The following SLC16A9 variants were observed in gnomAD, a reference collection of about 807,000 sequenced individuals.
SLC16A9 encodes the protein monocarboxylate transporter 9.
In SLC16A9, 26 loss-of-function variants were observed where a neutral mutation model predicts 44.3. That is an observed-to-expected ratio of 0.59 (90% CI 0.43 to 0.81). The LOEUF is 0.81. Among genes scored for constraint, SLC16A9 ranks in the 40% least tolerant of loss-of-function variants. SLC16A9 has a pLI of 0.00. For missense variants in SLC16A9, 559 were observed against 595.8 expected, an observed-to-expected ratio of 0.94 and a Z score of 0.64; for synonymous variants, 230 against 225.1, an observed-to-expected ratio of 1.02 and a Z score of -0.19.
chr10:59,653,425 CAAAA>C (rs562805430), intron 5 of SLC16A9, among the ~76,000 whole-genome samples: 7 of 36,772 alleles, frequency 1.9e-4, no homozygotes, highest in African/African-American at 4.1e-4. Flanking sequence ...AACTCCGTCT[CAAAA>C]AAAAAAAAAA....
intron 1 of SLC16A9, among the ~76,000 whole-genome samples, chr10:59,701,279 G>A (rs1300899484): frequency 6.6e-6 from 1 of 152,124 alleles, no homozygotes. Context: ...CGAATGCCTG[G>A]ACCATCACAA....
chr10:59,697,744 A>G (rs939482241), intron 1 of SLC16A9, among the ~76,000 whole-genome samples: 2 of 148,232 alleles, frequency 1.3e-5, no homozygotes, highest in Non-Finnish European at 3.0e-5. Flanking sequence ...AAAATAAAAT[A>G]AAAAATAAAT....
At chr10:59,671,650 G>A (rs1052212584) in intron 3 of SLC16A9, among the ~76,000 whole-genome samples, 1 of 152,096 alleles carries the variant, frequency 6.6e-6, no homozygotes, top group African/African-American at 2.4e-5. Context: ...TCCCTACAAC[G>A]CCATCATAGT....
chr10:59,672,563 G>T (rs1345427411), intron 3 of SLC16A9, among the ~76,000 whole-genome samples: 1 of 152,226 alleles, frequency 6.6e-6, no homozygotes, highest in Non-Finnish European at 1.5e-5. Flanking sequence ...AGGAGACAGA[G>T]TATGGATTGT....
chr10:59,669,729 C>T (rs992153434), intron 3 of SLC16A9, among the ~76,000 whole-genome samples: 25 of 151,780 alleles, frequency 1.6e-4, no homozygotes, highest in African/African-American at 5.8e-4. Flanking sequence ...CCAGCTTACT[C>T]GGGAGGCTGA....
chr10:59,656,520 C>G (rs1004994265), intron 4 of SLC16A9, among the ~76,000 whole-genome samples: 2 of 152,186 alleles, frequency 1.3e-5, no homozygotes, highest in Non-Finnish European at 2.9e-5. Flanking sequence ...TATCAAATTA[C>G]ACATTGGAGG....
rs187692448 is a variant in SLC16A9 at position 59,655,189 on chromosome 10, C to G, written c.437-600G>C. Among the ~76,000 whole-genome samples, 747 of 152,208 alleles carry G rather than the reference C, an allele frequency of 4.9e-3. 4 individuals carry two copies. Among genetic ancestry groups the G allele is most frequent in the Middle Eastern group, 0.02 (6 of 294 alleles). ...CCTGTAGTCCCAGCTACTTGGGAGG[C>G]TGAGGCAGAAGAGTCGCTTGAACCC... On this transcript the variant is annotated intron_variant, in intron 4 of 5. Transcript: ENST00000395348.
chr10:59,672,509 T>C (rs1839772308), intron 3 of SLC16A9, among the ~76,000 whole-genome samples: 1 of 152,210 alleles, frequency 6.6e-6, no homozygotes, highest in South Asian at 2.1e-4. Context: ...ATATGTGCTA[T>C]AGAGAGACAA....
chr10:59,680,060 T>C (rs1213914960), intron 2 of SLC16A9, among the ~76,000 whole-genome samples: 2 of 152,186 alleles, frequency 1.3e-5, no homozygotes, highest in African/African-American at 4.8e-5. Flanking sequence ...GTTTTCTATA[T>C]TGGCATCCCT....
chr10:59,678,581 G>A (rs1328239435), intron 2 of SLC16A9, among the ~76,000 whole-genome samples: 1 of 82,358 alleles, frequency 1.2e-5, no homozygotes, highest in African/African-American at 4.3e-5. Context: ...CTGTCGCCCA[G>A]GCCGGACTGC....
At chr10:59,703,700 G>A (rs1394093916) in intron 1 of SLC16A9, among the ~76,000 whole-genome samples, 1 of 151,806 alleles carries the variant, frequency 6.6e-6, no homozygotes, top group Non-Finnish European at 1.5e-5. Flanking sequence ...TAGTAAATTT[G>A]AATGAATTGC....
At position 59,672,723 on chromosome 10, in the gene SLC16A9, G is replaced by A. The variant is rs749175394; in HGVS notation, c.340+47C>T. 2.6e-6 allele frequency: 4 copies of A among 1,552,846 alleles called. No homozygotes were observed. The African/African-American group carries it at 5.5e-5, about 21-fold the overall frequency. ...ATAAACCTGGCACTGGTGAAATGATGTGTATCTCTTGAAGGTTAGGAAAGT... is the reference window on the plus strand; with the variant it reads ...ATAAACCTGGCACTGGTGAAATGATATGTATCTCTTGAAGGTTAGGAAAGT... On this transcript the variant is annotated intron_variant, in intron 3 of 5. Transcript: ENST00000395348.
At chr10:59,670,624 T>C (rs931023810) in intron 3 of SLC16A9, among the ~76,000 whole-genome samples, 5 of 152,244 alleles carry the variant, frequency 3.3e-5, no homozygotes, top group African/African-American at 1.2e-4. Flanking sequence ...GTCCTTAGGA[T>C]ATGATTCTGC....
chr10:59,709,165 CTCTGGGGGGCCA>C (rs1177303174), intron 1 of SLC16A9, among the ~76,000 whole-genome samples: 2 of 152,204 alleles, frequency 1.3e-5, no homozygotes, highest in Non-Finnish European at 2.9e-5. Context: ...AGAGGCAGCT[CTCTGGGGGGCCA>C]CCGTACCACC....
intron 1 of SLC16A9, among the ~76,000 whole-genome samples, chr10:59,703,600 G>A (rs1453254962): frequency 2.6e-5 from 4 of 152,142 alleles, no homozygotes; most frequent in African/African-American, 9.7e-5. Context: ...AGGAATTTTG[G>A]AAACTTTGGC....
At chr10:59,692,458 A>T (rs1840273867) in intron 1 of SLC16A9, among the ~76,000 whole-genome samples, 1 of 152,180 alleles carries the variant, frequency 6.6e-6, no homozygotes, top group Non-Finnish European at 1.5e-5. Context: ...GATGATGAAA[A>T]CATTTTAAAA....
chr10:59,703,680 G>GT (rs1253012435), intron 1 of SLC16A9, among the ~76,000 whole-genome samples: 3 of 150,992 alleles, frequency 2.0e-5, no homozygotes, highest in South Asian at 4.2e-4. Context: ...AATGTTTTTG[G>GT]TTTTGTTTTT....
At chr10:59,702,190 T>C (rs770488037) in intron 1 of SLC16A9, among the ~76,000 whole-genome samples, 1 of 152,190 alleles carries the variant, frequency 6.6e-6, no homozygotes, top group Non-Finnish European at 1.5e-5. Context: ...CATTGTGGGG[T>C]GAAGGAGATG....
chr10:59,679,050 G>T (rs1417465035), intron 2 of SLC16A9, among the ~76,000 whole-genome samples: 2 of 152,068 alleles, frequency 1.3e-5, no homozygotes, highest in Non-Finnish European at 2.9e-5. Context: ...TTACTGACTC[G>T]TATTATGAGT....
Sources: allele counts gnomAD v4.1 joint callset (sites outside exome capture counted in the v4.1 genomes callset), GRCh38; gene constraint gnomAD v4.1.1; transcripts MANE v1.5; gene names NCBI Gene and HGNC (gene_info 2026-07-23, HGNC 2026-07-21).